Variants in SLC26A3 observed in about 807,000 individuals in gnomAD.
SLC26A3 encodes the protein chloride anion exchanger.
In SLC26A3, 64 loss-of-function variants were observed where a neutral mutation model predicts 85.6. The ratio of observed to expected loss-of-function variants is 0.75; its 90% confidence interval spans 0.61 to 0.92. The LOEUF is 0.92. Among genes scored for constraint, SLC26A3 ranks in the 40% least tolerant of loss-of-function variants. SLC26A3 has a pLI of 0.00. For missense variants in SLC26A3, 922 were observed against 927.3 expected (o/e 0.99, Z 0.07); for synonymous variants, 349 against 336.0 (o/e 1.04, Z -0.42).
intron 1 of SLC26A3, 25 bp from the exon 2 acceptor site, chr7:107,794,622 T>G (rs1049951629): frequency 1.4e-5 from 16 of 1,127,710 alleles, no homozygotes; most frequent in Non-Finnish European, 1.6e-5. Flanking sequence ...AGCTTGCTTC[T>G]TAAATAACTC....
At chr7:107,788,832 G>A (rs1402898768) in intron 6 of SLC26A3, among the ~76,000 whole-genome samples, 1 of 140,012 alleles carries the variant, frequency 7.1e-6, no homozygotes, top group African/African-American at 2.7e-5. Flanking sequence ...TGCCCAGGCT[G>A]GAGTGCAGTG....
At chr7:107,787,546 A>G (rs899664258) in intron 6 of SLC26A3, 37 bp from the exon 7 acceptor site, 1 of 1,570,396 alleles carries the variant, frequency 6.4e-7, no homozygotes, top group African/African-American at 1.4e-5. Context: ...AAAGCCCTAT[A>G]TTAATGCACA....
At chr7:107,798,365 T>TCC (rs900587778) in intron 1 of SLC26A3, among the ~76,000 whole-genome samples, 2 of 152,058 alleles carry the variant, frequency 1.3e-5, no homozygotes, top group Non-Finnish European at 2.9e-5. Context: ...TGTACATACC[T>TCC]CCCCACCACT....
intron 13 of SLC26A3, 94 bp from the exon 14 acceptor site, chr7:107,776,800 C>A (rs1230475757): frequency 2.1e-5 from 23 of 1,090,412 alleles, no homozygotes; most frequent in Non-Finnish European, 3.0e-5. Flanking sequence ...AAAGCAGGCT[C>A]ACTTTTCAAA....
intron 20 of SLC26A3, among the ~76,000 whole-genome samples, chr7:107,766,118 A>G (rs1793910740): frequency 6.6e-6 from 1 of 152,154 alleles, no homozygotes; most frequent in Non-Finnish European, 1.5e-5. Context: ...ATCTTTCTTC[A>G]CATTTATTCC....
chr7:107,783,491 C>A (rs1158651614), intron 8 of SLC26A3, 139 bp from the exon 9 acceptor site: 7 of 1,016,386 alleles, frequency 6.9e-6, no homozygotes, highest in Non-Finnish European at 1.0e-5. Flanking sequence ...AATTTAGCTC[C>A]ACTAACAATT....
intron 11 of SLC26A3, among the ~76,000 whole-genome samples, 167 bp from the exon 12 acceptor site, chr7:107,779,930 G>A (rs1306902397): frequency 6.6e-6 from 1 of 152,112 alleles, no homozygotes; most frequent in Non-Finnish European, 1.5e-5. Flanking sequence ...CCAGAACTGG[G>A]ACTCTGACCT....
In SLC26A3 at chr7:107,772,124, G is replaced by T. The variant is rs372726360; in HGVS notation, c.2008-16C>A. ...CTTGCAAAATCTGTTAAAAAGAAAA[G>T]TATATCTTCCTTAGGGAACAGTTTC... On this transcript the variant is annotated splice_polypyrimidine_tract_variant and intron_variant, in intron 17 of 20. Coordinates refer to ENST00000340010, the MANE Select transcript of SLC26A3 (RefSeq NM_000111.3). 2.3e-5 allele frequency: 35 copies of T among 1,506,458 alleles called. No individual in the cohort carries two copies. Among genetic ancestry groups the T allele is most frequent in the Non-Finnish European group, 2.9e-5 (31 of 1,082,528 alleles). The allele number at this position is 1,506,458 out of a possible 1,614,324, so 93.3% of individuals were successfully genotyped here.
rs1473929652 is a variant in SLC26A3 at position 107,782,827 on chromosome 7, G to A, written c.1281C>T (p.Ala427=). The stretch of plus-strand genomic sequence containing the variant: ...GTAGAGGCGCCAGGAGAAATCCAAT[G>A]GCTAGAACGACAATCAGCACGATGA... ...GAIIVLIVVL[A]IGFLLAPLQK... is the part of the protein sequence containing the mutation. Residue 427 remains alanine, a synonymous_variant, in exon 11 of 21, where the codon GCC becomes GCT. Coordinates refer to ENST00000340010, the MANE Select transcript of SLC26A3 (RefSeq NM_000111.3). 1 of 1,614,102 alleles carries A rather than the reference G, an allele frequency of 6.2e-7. No individual in the cohort carries two copies. The highest frequency in any genetic ancestry group is 8.5e-7 in the Non-Finnish European group (1 of 1,179,974).
At position 107,786,814 on chromosome 7, in the gene SLC26A3, A is replaced by C. The variant is rs964297802; in HGVS notation, c.971+13T>G. The C allele has an allele frequency of 8.1e-6, 13 of 1,609,204 alleles. No individual in the cohort carries two copies. The highest frequency in any genetic ancestry group is 1.3e-5 in the African/African-American group (1 of 74,780). On this transcript the variant is annotated intron_variant, in intron 8 of 20. Transcript: ENST00000340010. ...TTAGTGCATGGTGATGCCATCATCGAAGACACACTTACCCAGGATTCATGT... is the reference window on the plus strand; with the variant it reads ...TTAGTGCATGGTGATGCCATCATCGCAGACACACTTACCCAGGATTCATGT...
At chr7:107,787,161 G>A (rs958972122) in intron 7 of SLC26A3, among the ~76,000 whole-genome samples, 196 bp downstream of exon 7, 5 of 152,160 alleles carry the variant, frequency 3.3e-5, no homozygotes, top group African/African-American at 4.8e-5. Flanking sequence ...CTTGTCTCAC[G>A]TGGAAAAAAT....
chr7:107,774,750 G>A (rs759727800), intron 16 of SLC26A3, 27 bp downstream of exon 16: 1 of 1,502,996 alleles, frequency 6.7e-7, no homozygotes, highest in Non-Finnish European at 9.3e-7. Context: ...TAGCTATAAT[G>A]CATAGAAATG....
chr7:107,794,848 A>G (rs912293362), intron 1 of SLC26A3, among the ~76,000 whole-genome samples: 14 of 152,216 alleles, frequency 9.2e-5, no homozygotes, highest in Non-Finnish European at 1.9e-4. Flanking sequence ...TTTATGAATC[A>G]ATTAGTCAAT....
At position 107,767,756 on chromosome 7, in the gene SLC26A3, G is replaced by A. The variant is rs751284711; in HGVS notation, c.2205+10C>T. ...TTATGCAATTGTGAAAGTCACCAAA[G>A]AGCTGATACCTGACTGGGATTAAAC... On this transcript the variant is annotated intron_variant, in intron 19 of 20. Coordinates refer to ENST00000340010, the MANE Select transcript of SLC26A3 (RefSeq NM_000111.3). The A allele has an allele frequency of 1.2e-6, 2 of 1,613,786 alleles. No individual in the cohort carries two copies. The highest frequency in any genetic ancestry group is 1.7e-6 in the Non-Finnish European group (2 of 1,179,794).
intron 8 of SLC26A3, among the ~76,000 whole-genome samples, chr7:107,784,181 C>T (rs1794254692): frequency 6.6e-6 from 1 of 152,168 alleles, no homozygotes; most frequent in South Asian, 2.1e-4. Flanking sequence ...ACATTTTTAT[C>T]TCTAATTTTG....
intron 5 of SLC26A3, among the ~76,000 whole-genome samples, chr7:107,790,756 T>A (rs754028688): frequency 2.0e-5 from 3 of 152,154 alleles, no homozygotes; most frequent in Non-Finnish European, 4.4e-5. Context: ...TTCTTGACTC[T>A]ATCAATTCCC....
chr7:107,780,001 T>G (rs1006513906), intron 11 of SLC26A3, among the ~76,000 whole-genome samples: 1 of 152,010 alleles, frequency 6.6e-6, no homozygotes, highest in South Asian at 2.1e-4. Flanking sequence ...CTTGTGATTA[T>G]GAGATAGATG....
At chr7:107,795,793 A>G (rs763646141) in intron 1 of SLC26A3, among the ~76,000 whole-genome samples, 29 of 152,072 alleles carry the variant, frequency 1.9e-4, no homozygotes, top group Non-Finnish European at 3.5e-4. Flanking sequence ...CTCAGCTTCA[A>G]TCACAGTGAT....
rs1365898185 is a variant in SLC26A3 at position 107,791,899 on chromosome 7, C to A, written c.313G>T (p.Gly105Trp). The A allele has an allele frequency of 1.2e-6, 2 of 1,613,690 alleles. No individual in the cohort carries two copies. The highest frequency in any genetic ancestry group is 1.7e-6 in the Non-Finnish European group (2 of 1,179,762). The change falls in exon 4 of 21, where the codon GGG becomes TGG. Residue 105 changes from glycine to tryptophan, a missense_variant. Gly to Trp is a radical substitution (Grantham distance 184). Coordinates refer to ENST00000340010, the MANE Select transcript of SLC26A3 (RefSeq NM_000111.3). ...ALLVDIPPVY[G>W]LYASFFPAII... Reference sequence around the variant, plus strand: ...GCTGGGAAAAAGGATGCATACAACCCATAGACTGGGGGAATGTCGACCAGC... The same window carrying A: ...GCTGGGAAAAAGGATGCATACAACCAATAGACTGGGGGAATGTCGACCAGC...
Sources: gnomAD v4.1 joint callset for allele counts (sites outside exome capture counted in the v4.1 genomes callset) on GRCh38, gnomAD v4.1.1 for gene constraint, MANE v1.5 for transcripts, NCBI Gene and HGNC (gene_info 2026-07-23, HGNC 2026-07-21) for gene names.